The following GPLD1 variants were observed in gnomAD, a reference collection of about 807,000 sequenced individuals.
GPLD1 encodes the protein glycosylphosphatidylinositol specific phospholipase D1.
Under a neutral mutation model 112.6 loss-of-function variants are expected in GPLD1, and 84 were observed. That is an observed-to-expected ratio of 0.75 (90% CI 0.63 to 0.89). The LOEUF (loss-of-function observed/expected upper bound fraction) is 0.89. Ranked by LOEUF, GPLD1 falls within the 40% of genes least tolerant of loss-of-function variation. GPLD1 has a pLI of 0.00. For missense variants in GPLD1, 1,044 were observed against 1,051.5 expected, an observed-to-expected ratio of 0.99 and a Z score of 0.10; for synonymous variants, 386 against 403.8, an observed-to-expected ratio of 0.96 and a Z score of 0.53.
chr6:24,468,639 C>A (rs544875954), intron 7 of GPLD1, among the ~76,000 whole-genome samples: 7 of 151,964 alleles, frequency 4.6e-5, no homozygotes, highest in African/African-American at 1.7e-4. Context: ...CCGCAACCTC[C>A]GCCTTCCAAG....
chr6:24,444,479 G>A (rs1180984085), intron 20 of GPLD1, among the ~76,000 whole-genome samples: 2 of 151,608 alleles, frequency 1.3e-5, no homozygotes, highest in Non-Finnish European at 2.9e-5. Context: ...TATAATCTGG[G>A]AGGAAATGGT....
chr6:24,452,773 C>CA (rs57715891), intron 14 of GPLD1, among the ~76,000 whole-genome samples: 17,586 of 136,380 alleles, frequency 0.13, 1,578 homozygotes, highest in East Asian at 0.46. Flanking sequence ...GAGTTTATCT[C>CA]AAAAAAAAAA....
At position 24,486,143 on chromosome 6, in the gene GPLD1, A is replaced by C. The variant is rs747403048; in HGVS notation, c.98-13T>G. On this transcript the variant is annotated splice_polypyrimidine_tract_variant and intron_variant, in intron 1 of 24. Coordinates refer to ENST00000230036, the MANE Select transcript of GPLD1 (RefSeq NM_001503.4). ...AGAGCTCTGTGTCCTGAGAGAAATAAATACATAAATCAATTAAGTTCAACT... is the reference window on the plus strand; with the variant it reads ...AGAGCTCTGTGTCCTGAGAGAAATACATACATAAATCAATTAAGTTCAACT... 17 of 1,496,884 alleles carry C rather than the reference A, an allele frequency of 1.1e-5. No homozygotes were observed. The highest frequency in any genetic ancestry group is 1.7e-5 in the Admixed American group (1 of 57,844). The allele number at this position is 1,496,884 out of a possible 1,614,324, so 92.7% of individuals were successfully genotyped here. A position where few individuals can be genotyped will look rare whatever the true frequency, so the allele number is the denominator to read the frequency against.
chr6:24,463,768 AC>A (rs1193682171), intron 10 of GPLD1, among the ~76,000 whole-genome samples: 3 of 152,264 alleles, frequency 2.0e-5, no homozygotes, highest in African/African-American at 7.2e-5. Context: ...GTTACTATGA[AC>A]ATATTTATGT....
At chr6:24,493,184 G>T (rs1201186973), upstream of GPLD1, among the ~76,000 whole-genome samples, 1 of 152,148 alleles carries the variant, frequency 6.6e-6, no homozygotes, top group Non-Finnish European at 1.5e-5. Flanking sequence ...GGCCTCAATT[G>T]AATGATTTCC....
chr6:24,485,674 C>T (rs2744569), intron 2 of GPLD1, among the ~76,000 whole-genome samples: 132,679 of 149,238 alleles, frequency 0.89, 59,542 homozygotes, highest in African/African-American at 0.95. Flanking sequence ...TAATGAGTCT[C>T]TTTTTTTTTT....
chr6:24,432,858 G>T (rs1762451221), intron 24 of GPLD1, among the ~76,000 whole-genome samples: 1 of 152,180 alleles, frequency 6.6e-6, no homozygotes, highest in Non-Finnish European at 1.5e-5. Context: ...AAACTGCACT[G>T]CCGTTTAAAC....
chr6:24,467,936 C>T (rs936652110), intron 7 of GPLD1, among the ~76,000 whole-genome samples: 5 of 151,422 alleles, frequency 3.3e-5, no homozygotes, highest in Admixed American at 6.6e-5. Context: ...GATGGAGCTT[C>T]GCTCTTGTTG....
intron 12 of GPLD1, among the ~76,000 whole-genome samples, chr6:24,456,893 AAG>A (rs1763285146): frequency 6.6e-6 from 1 of 152,166 alleles, no homozygotes; most frequent in Non-Finnish European, 1.5e-5. Context: ...CATGGGTAGA[AAG>A]AGTTATCGCT....
upstream of GPLD1, among the ~76,000 whole-genome samples, chr6:24,492,297 G>A (rs997650647): frequency 6.6e-6 from 1 of 152,014 alleles, no homozygotes; most frequent in African/African-American, 2.4e-5. Context: ...CTGAGGTCAG[G>A]AGTTCAAGAC....
chr6:24,442,148 G>A (rs2793425), intron 20 of GPLD1, among the ~76,000 whole-genome samples: 39,745 of 150,624 alleles, frequency 0.26, 6,426 homozygotes, highest in East Asian at 0.58. Context: ...AAAAAATAGG[G>A]TCTCACTCTG....
chr6:24,481,853 C>CT (rs1168382710), intron 2 of GPLD1, among the ~76,000 whole-genome samples: 2 of 152,120 alleles, frequency 1.3e-5, no homozygotes, highest in African/African-American at 2.4e-5. Context: ...TTGAGTTGGA[C>CT]TTTTTTCACT....
At chr6:24,492,994 C>T (rs1764594663), upstream of GPLD1, among the ~76,000 whole-genome samples, 1 of 152,178 alleles carries the variant, frequency 6.6e-6, no homozygotes, top group Non-Finnish European at 1.5e-5. Context: ...TTTGTGAGTG[C>T]TCCTAAAAGT....
chr6:24,440,029 T>C (rs972717265), intron 20 of GPLD1, among the ~76,000 whole-genome samples: 1 of 152,238 alleles, frequency 6.6e-6, no homozygotes. Flanking sequence ...TGTGGAACTT[T>C]TCTTCCAGTG....
intron 2 of GPLD1, among the ~76,000 whole-genome samples, chr6:24,482,883 T>A (rs1764251905): frequency 6.6e-6 from 1 of 151,946 alleles, no homozygotes; most frequent in African/African-American, 2.4e-5. Context: ...AGGTTGAGGA[T>A]GCAGTGAGCC....
chr6:24,435,407 AT>A (rs1762538365), intron 22 of GPLD1, among the ~76,000 whole-genome samples: 1 of 152,180 alleles, frequency 6.6e-6, no homozygotes. Flanking sequence ...CATAGGAAAA[AT>A]ACTAGCAGGA....
intron 18 of GPLD1, 51 bp downstream of exon 18, chr6:24,446,787 C>T (rs1218771427): frequency 6.3e-7 from 1 of 1,583,450 alleles, no homozygotes; most frequent in South Asian, 1.2e-5. Context: ...TCCATAGCAG[C>T]AGGTACCTGC....
At chr6:24,463,576 C>T (rs9461018) in intron 10 of GPLD1, among the ~76,000 whole-genome samples, 20,526 of 152,088 alleles carry the variant, frequency 0.13, 3,476 homozygotes, top group African/African-American at 0.4. Context: ...CTTTTCTTGT[C>T]CACCACAGGA....
chr6:24,472,383 A>G lies in GPLD1; in HGVS notation c.545+199T>C, dbSNP rs534935943. ...ATTTTGAAAAAGTAAACTATGACTC[A>G]GCAACTCCACTCCATTCAAAATTGA... On this transcript the variant is annotated intron_variant, in intron 7 of 24. Transcript: ENST00000230036. Among the ~76,000 whole-genome samples, 3 of 152,362 alleles carry G rather than the reference A, an allele frequency of 2.0e-5. 1 individual carries two copies. The highest frequency in any genetic ancestry group is 2.0e-4 in the Admixed American group (3 of 15,304).
Sources: allele counts gnomAD v4.1 joint callset (sites outside exome capture counted in the v4.1 genomes callset), GRCh38; gene constraint gnomAD v4.1.1; transcripts MANE v1.5; gene names NCBI Gene and HGNC (gene_info 2026-07-23, HGNC 2026-07-21).